Variants in CDH13 observed in about 807,000 individuals in gnomAD.
CDH13 encodes the protein cadherin-13.
CDH13 carries 24 observed loss-of-function variants against 63.8 expected under a neutral mutation model. That is an observed-to-expected ratio of 0.38 (90% CI 0.27 to 0.53). CDH13 has a LOEUF of 0.53. Among genes scored for constraint, CDH13 ranks in the 20% least tolerant of loss-of-function variants. The pLI is 0.85. For missense variants in CDH13, 1,049 were observed against 903.1 expected, an observed-to-expected ratio of 1.16 and a Z score of -2.07; for synonymous variants, 503 against 355.3, an observed-to-expected ratio of 1.42 and a Z score of -4.67.
chr16:82,710,264 AAT>A (rs1308528401), intron 1 of CDH13, among the ~76,000 whole-genome samples: 1 of 146,250 alleles, frequency 6.8e-6, no homozygotes. Flanking sequence ...TAAAATATAA[AAT>A]ATATTTTATA....
At chr16:82,812,656 AGGG>A (rs1472724214) in intron 1 of CDH13, among the ~76,000 whole-genome samples, 2 of 152,152 alleles carry the variant, frequency 1.3e-5, no homozygotes, top group Non-Finnish European at 2.9e-5. Context: ...ACCAGATGGG[AGGG>A]GAAGAAATGG....
chr16:82,708,227 G>C (rs2031645841), intron 1 of CDH13, among the ~76,000 whole-genome samples: 1 of 152,192 alleles, frequency 6.6e-6, no homozygotes, highest in South Asian at 2.1e-4. Flanking sequence ...ATACAGCTGT[G>C]AGTGACGCTG....
chr16:83,439,737 C>T (rs921574092), intron 6 of CDH13, among the ~76,000 whole-genome samples: 1 of 152,144 alleles, frequency 6.6e-6, no homozygotes, highest in Non-Finnish European at 1.5e-5. Context: ...TGTTGGTATT[C>T]TCTGAAATCA....
chr16:83,380,298 T>C (rs1173943163), intron 6 of CDH13, among the ~76,000 whole-genome samples: 1 of 152,208 alleles, frequency 6.6e-6, no homozygotes, highest in Non-Finnish European at 1.5e-5. Flanking sequence ...CTGATTTTCA[T>C]ACTATTGTTC....
At chr16:82,632,186 C>T in intron 1 of CDH13, among the ~76,000 whole-genome samples, 1 of 152,200 alleles carries the variant, frequency 6.6e-6, no homozygotes, top group Admixed American at 6.5e-5. Flanking sequence ...TCACCACTCT[C>T]TACTACCCAG....
At chr16:82,765,524 G>A (rs1312119934) in intron 1 of CDH13, among the ~76,000 whole-genome samples, 1 of 152,138 alleles carries the variant, frequency 6.6e-6, no homozygotes, top group Non-Finnish European at 1.5e-5. Flanking sequence ...AGCCTTCCTA[G>A]GGCTGGCGTT....
chr16:83,495,486 G>T (rs2074114535), intron 7 of CDH13, among the ~76,000 whole-genome samples: 1 of 152,110 alleles, frequency 6.6e-6, no homozygotes, highest in Non-Finnish European at 1.5e-5. Context: ...TTTCTTGTCA[G>T]ACTTTAAAAG....
At chr16:83,410,660 C>T (rs148903052) in intron 6 of CDH13, among the ~76,000 whole-genome samples, 1 of 151,824 alleles carries the variant, frequency 6.6e-6, no homozygotes, top group Admixed American at 6.6e-5. Flanking sequence ...TTAAATATAC[C>T]CCATTTATAT....
intron 11 of CDH13, among the ~76,000 whole-genome samples, chr16:83,755,092 G>A (rs1431969614): frequency 6.6e-6 from 1 of 152,072 alleles, no homozygotes; most frequent in Admixed American, 6.6e-5. Flanking sequence ...TATGTTCAAG[G>A]AGACAGAATA....
At chr16:83,509,915 C>G (rs1405365132) in intron 7 of CDH13, among the ~76,000 whole-genome samples, 2 of 152,168 alleles carry the variant, frequency 1.3e-5, no homozygotes, top group Non-Finnish European at 1.5e-5. Flanking sequence ...GGTCACACAG[C>G]TACCAGCTGG....
At chr16:83,223,459 A>C (rs72802232) in intron 5 of CDH13, among the ~76,000 whole-genome samples, 18,923 of 152,318 alleles carry the variant, frequency 0.12, 1,449 homozygotes, top group Non-Finnish European at 0.18. Context: ...TTACATTACA[A>C]CAAGAGTTTT....
At chr16:82,920,175 T>C (rs1246011514) in intron 2 of CDH13, among the ~76,000 whole-genome samples, 1 of 152,184 alleles carries the variant, frequency 6.6e-6, no homozygotes, top group Admixed American at 6.5e-5. Context: ...GATGGCACCC[T>C]CCACCAGGAC....
At chr16:83,688,393 A>G (rs1316367411) in intron 10 of CDH13, among the ~76,000 whole-genome samples, 4 of 152,258 alleles carry the variant, frequency 2.6e-5, no homozygotes, top group Non-Finnish European at 5.9e-5. Context: ...GAGGATTTCT[A>G]ATCCCAAAAC....
intron 1 of CDH13, among the ~76,000 whole-genome samples, chr16:82,701,000 C>T (rs1421155620): frequency 2.3e-5 from 3 of 129,538 alleles, no homozygotes; most frequent in Non-Finnish European, 4.7e-5. Flanking sequence ...AAACTGCTGT[C>T]CTGTGGATAG....
intron 6 of CDH13, among the ~76,000 whole-genome samples, chr16:83,455,745 C>A (rs1483044031): frequency 1.3e-5 from 2 of 152,186 alleles, no homozygotes; most frequent in South Asian, 2.1e-4. Context: ...TTCCTGCTTT[C>A]CATTCGTTTT....
intron 1 of CDH13, among the ~76,000 whole-genome samples, chr16:82,790,246 TCAG>T (rs2036232410): frequency 2.0e-5 from 3 of 152,114 alleles, no homozygotes; most frequent in East Asian, 3.9e-4. Context: ...ACCAGCCTGA[TCAG>T]CAGGGTGAAA....
At chr16:83,704,561 C>T (rs1199110837) in intron 10 of CDH13, among the ~76,000 whole-genome samples, 1 of 152,168 alleles carries the variant, frequency 6.6e-6, no homozygotes, top group Non-Finnish European at 1.5e-5. Flanking sequence ...ATAGTCTGCC[C>T]ACAGCCCCGC....
intron 6 of CDH13, among the ~76,000 whole-genome samples, chr16:83,381,379 A>C (rs1299122388): frequency 1.3e-5 from 2 of 152,052 alleles, no homozygotes; most frequent in South Asian, 4.2e-4. Flanking sequence ...GTGCATTAAG[A>C]GTTCCAAACC....
At chr16:83,184,252 C>T (rs758305744) in intron 4 of CDH13, among the ~76,000 whole-genome samples, 1 of 152,058 alleles carries the variant, frequency 6.6e-6, no homozygotes, top group African/African-American at 2.4e-5. Flanking sequence ...CAAGATTTCT[C>T]TACGGTGCTT....
Sources: gnomAD v4.1 joint callset for allele counts (sites outside exome capture counted in the v4.1 genomes callset) on GRCh38, gnomAD v4.1.1 for gene constraint, MANE v1.5 for transcripts, NCBI Gene and HGNC (gene_info 2026-07-23, HGNC 2026-07-21) for gene names.